Variants in VIPR2 observed in about 807,000 individuals in gnomAD.
The protein encoded by VIPR2 is vasoactive intestinal polypeptide receptor 2.
In VIPR2, 48 loss-of-function variants were observed where a neutral mutation model predicts 58.0. The ratio of observed to expected loss-of-function variants is 0.83; its 90% CI spans 0.66 to 1.05. The LOEUF (loss-of-function observed/expected upper bound fraction) is 1.05. Ranked by LOEUF, VIPR2 falls within the 50% of genes least tolerant of loss-of-function variation. The pLI is 0.00. For missense variants in VIPR2, 534 were observed against 558.0 expected, an observed-to-expected ratio of 0.96 and a Z score of 0.43; for synonymous variants, 243 against 235.2, an observed-to-expected ratio of 1.03 and a Z score of -0.30.
Position 159,097,230 on chromosome 7 carries a change from G to T in VIPR2, c.357+6527C>A. The stretch of plus-strand genomic sequence containing the variant: ...GCCATCAGTGGGAACGAGTCACTGC[G>T]GTGGCCTGAGTGCTGGAGGAGGGCA... On this transcript the variant is annotated intron_variant, in intron 4 of 12. Coordinates refer to ENST00000262178, the MANE Select transcript of VIPR2 (RefSeq NM_003382.5). The surrounding 1 kb of genome is among the most constrained non-coding windows in gnomAD (Gnocchi z 5.3). 1 of 1,411,374 alleles carries T rather than the reference G, an allele frequency of 7.1e-7. No homozygotes were observed. The highest frequency in any genetic ancestry group is 9.2e-7 in the Non-Finnish European group (1 of 1,081,346). The allele number at this position is 1,411,374 out of a possible 1,614,324, so 87.4% of individuals were successfully genotyped here.
chr7:159,133,696 T>C (rs537189321), intron 2 of VIPR2, among the ~76,000 whole-genome samples: 6 of 152,348 alleles, frequency 3.9e-5, no homozygotes, highest in Admixed American at 2.6e-4. Flanking sequence ...TTATATCTCA[T>C]ATTACCCTAC....
intron 6 of VIPR2, among the ~76,000 whole-genome samples, chr7:159,037,437 C>T (rs1854047268): frequency 6.6e-6 from 1 of 152,254 alleles, no homozygotes; most frequent in African/African-American, 2.4e-5. Context: ...GAGGGCGCGG[C>T]ACATGCCAGC....
chr7:159,035,817 T>C lies in VIPR2; in HGVS notation c.809+135A>G, dbSNP rs537359674. 8 of 1,439,464 alleles carry C rather than the reference T, an allele frequency of 5.6e-6. No individual in the cohort carries two copies. The East Asian group carries it at 1.8e-4, about 33-fold the overall frequency. The allele number at this position is 1,439,464 out of a possible 1,614,324, so 89.2% of individuals were successfully genotyped here. ...TTCTCCCCATGAATCGCCCAGATGCTTCCTGCGTGGCTGTCGGTTGGCCGC... is the reference window on the plus strand; with the variant it reads ...TTCTCCCCATGAATCGCCCAGATGCCTCCTGCGTGGCTGTCGGTTGGCCGC... On this transcript the variant is annotated intron_variant, in intron 8 of 12. Transcript: ENST00000262178.
chr7:159,069,431 G>A (rs1187874227), intron 4 of VIPR2, among the ~76,000 whole-genome samples: 4 of 152,158 alleles, frequency 2.6e-5, no homozygotes, highest in African/African-American at 4.8e-5. Context: ...TCACGTGTGC[G>A]GAATCCATCT....
intron 2 of VIPR2, among the ~76,000 whole-genome samples, chr7:159,114,151 ATCAGT>A (rs1796146660): frequency 6.6e-6 from 1 of 152,238 alleles, no homozygotes; most frequent in Admixed American, 6.5e-5. Context: ...TGAATAGGTC[ATCAGT>A]TCAGTGTTGG....
In VIPR2 at chr7:159,099,479, G is replaced by A. The variant is rs1274954673; in HGVS notation, c.357+4278C>T. Among the ~76,000 whole-genome samples, 1 of 152,196 alleles carries A rather than the reference G, an allele frequency of 6.6e-6. No homozygotes were observed. Among genetic ancestry groups the A allele is most frequent in the East Asian group, 1.9e-4 (1 of 5,192 alleles). ...CTGTGGGCTGACATTGCCACAGCAG[G>A]CGGCGGCTGTCACTGCCTCCCAGAT... On this transcript the variant is annotated intron_variant, in intron 4 of 12. Transcript: ENST00000262178. The surrounding 1 kb of genome is among the most constrained non-coding windows in gnomAD (Gnocchi z 4.2).
At chr7:159,105,159 C>T (rs902350139) in intron 3 of VIPR2, among the ~76,000 whole-genome samples, 9 of 152,174 alleles carry the variant, frequency 5.9e-5, no homozygotes, top group Admixed American at 2.6e-4. Flanking sequence ...ATAAAGCTCT[C>T]GAAGGTGTCC....
chr7:159,035,842 C>T, intron 8 of VIPR2, 110 bp downstream of exon 8: 1 of 1,474,670 alleles, frequency 6.8e-7, no homozygotes, highest in Non-Finnish European at 9.0e-7. Flanking sequence ...CGGTTGGCCG[C>T]AAACGCTCCC....
At chr7:159,062,477 G>A (rs1455939881) in intron 4 of VIPR2, among the ~76,000 whole-genome samples, 3 of 152,138 alleles carry the variant, frequency 2.0e-5, no homozygotes, top group Admixed American at 2.0e-4. Flanking sequence ...CAAGAGTGAA[G>A]CTGCAGACCT....
chr7:159,119,466 T>C (rs910046174), intron 2 of VIPR2, among the ~76,000 whole-genome samples: 2 of 152,088 alleles, frequency 1.3e-5, no homozygotes, highest in Non-Finnish European at 2.9e-5. Context: ...CCTGCACCTG[T>C]AGGAGCCCAG....
chr7:159,106,988 GC>G (rs1795773246), intron 3 of VIPR2, among the ~76,000 whole-genome samples: 1 of 149,366 alleles, frequency 6.7e-6, no homozygotes, highest in Non-Finnish European at 1.5e-5. Flanking sequence ...CCATCCAGGG[GC>G]AGAGAGGCCA....
At chr7:159,049,777 G>A (rs967574749) in intron 5 of VIPR2, among the ~76,000 whole-genome samples, 3 of 152,172 alleles carry the variant, frequency 2.0e-5, no homozygotes, top group Non-Finnish European at 4.4e-5. Flanking sequence ...GGGTGGCAGG[G>A]TTCCCTTCAT....
intron 1 of VIPR2, among the ~76,000 whole-genome samples, chr7:159,143,256 A>G (rs1370318060): frequency 6.6e-6 from 1 of 152,214 alleles, no homozygotes; most frequent in Non-Finnish European, 1.5e-5. Context: ...CTCAGAAGGC[A>G]CCGTTTCTAC....
At chr7:159,104,545 AATG>A (rs1762220468) in intron 3 of VIPR2, among the ~76,000 whole-genome samples, 1 of 128,640 alleles carries the variant, frequency 7.8e-6, no homozygotes, top group African/African-American at 3.0e-5. Context: ...TCCTCCCAGC[AATG>A]CCCTCCCTCC....
rs1410017438 is a variant in VIPR2 at position 159,096,529 on chromosome 7, A to C, written c.357+7228T>G. On this transcript the variant is annotated intron_variant, in intron 4 of 12. Transcript: ENST00000262178. The surrounding 1 kb of genome is among the most constrained non-coding windows in gnomAD (Gnocchi z 5.5). ...ATCTTCCCTAGCGGATTCCTTTAGA[A>C]CTTAAAGAACTTGGAGACCCAATCG... is the stretch of plus-strand genomic sequence containing the variant. 6.6e-6 allele frequency among the ~76,000 whole-genome samples: 1 copy of C among 152,166 alleles called. No individual in the cohort carries two copies. The highest frequency in any genetic ancestry group is 1.5e-5 in the Non-Finnish European group (1 of 68,026).
chr7:159,083,808 C>G (rs1301792173), intron 4 of VIPR2, among the ~76,000 whole-genome samples: 14 of 152,234 alleles, frequency 9.2e-5, no homozygotes, highest in Admixed American at 9.2e-4. Context: ...ACAGTGTGAA[C>G]TGTGTCCCTA....
chr7:159,142,600 A>G (rs1797518448), intron 1 of VIPR2, 55 bp from the exon 2 acceptor site: 1 of 1,431,692 alleles, frequency 7.0e-7, no homozygotes. Flanking sequence ...GAAGAAGAAA[A>G]GCAAGCAAAA....
intron 4 of VIPR2, among the ~76,000 whole-genome samples, chr7:159,092,961 G>A (rs926206468): frequency 1.3e-5 from 2 of 152,174 alleles, no homozygotes; most frequent in Non-Finnish European, 2.9e-5. Flanking sequence ...GGCTGTGACT[G>A]TTGTTACCCA....
At chr7:159,101,440 C>T (rs550003723) in intron 4 of VIPR2, among the ~76,000 whole-genome samples, 131 of 136,606 alleles carry the variant, frequency 9.6e-4, no homozygotes, top group Middle Eastern at 0.01. Context: ...GAGGCGGTTC[C>T]GACTGTTCCT....
Sources: gnomAD v4.1 joint callset for allele counts (sites outside exome capture counted in the v4.1 genomes callset) on GRCh38, gnomAD v4.1.1 for gene constraint, Gnocchi (gnomAD v3.1) non-coding constraint, MANE v1.5 for transcripts, NCBI Gene and HGNC (gene_info 2026-07-23, HGNC 2026-07-21) for gene names.